The following EPHA6 variants were observed in gnomAD, a reference collection of about 807,000 sequenced individuals.
The protein encoded by EPHA6 is ephrin type-A receptor 6.
A neutral mutation model predicts 112.0 loss-of-function variants in EPHA6; 50 were observed. That is an observed-to-expected ratio of 0.45 (90% confidence interval 0.36 to 0.56). The LOEUF is 0.56. EPHA6 is among the 20% of genes least tolerant of loss of function. The probability of loss-of-function intolerance (pLI) is 0.00; values close to 1 mark genes in which losing one functional copy is unlikely to be tolerated. For synonymous variants in EPHA6, 529 were observed against 490.7 expected (o/e 1.08, Z -1.03); for missense variants, 1,280 against 1,417.4 (o/e 0.90, Z 1.56).
chr3:97,177,059 C>T (rs2076856046), intron 3 of EPHA6, among the ~76,000 whole-genome samples: 1 of 151,340 alleles, frequency 6.6e-6, no homozygotes, highest in Admixed American at 6.6e-5. Flanking sequence ...TTGCTTTATC[C>T]CATAGGTATT....
At chr3:97,049,357 C>T (rs1312048039) in intron 3 of EPHA6, among the ~76,000 whole-genome samples, 1 of 152,144 alleles carries the variant, frequency 6.6e-6, no homozygotes, top group Non-Finnish European at 1.5e-5. Context: ...GAACAGTGAA[C>T]GTTATCCTGG....
intron 3 of EPHA6, among the ~76,000 whole-genome samples, chr3:97,071,244 A>G (rs1445923326): frequency 2.0e-5 from 3 of 152,032 alleles, no homozygotes; most frequent in Non-Finnish European, 4.4e-5. Flanking sequence ...AAATAACTGA[A>G]TTAACTGATG....
At chr3:97,093,053 G>A (rs979006512) in intron 3 of EPHA6, among the ~76,000 whole-genome samples, 1 of 152,056 alleles carries the variant, frequency 6.6e-6, no homozygotes, top group African/African-American at 2.4e-5. Context: ...TGACCTGGAA[G>A]TGACACAGTC....
chr3:97,039,175 A>G (rs1406558817), intron 3 of EPHA6, among the ~76,000 whole-genome samples: 1 of 152,076 alleles, frequency 6.6e-6, no homozygotes, highest in Non-Finnish European at 1.5e-5. Context: ...CAGGAAAACA[A>G]GAAGGCCTAA....
chr3:97,738,588 G>T (rs2035371940), intron 16 of EPHA6, among the ~76,000 whole-genome samples: 1 of 152,060 alleles, frequency 6.6e-6, no homozygotes, highest in Non-Finnish European at 1.5e-5. Flanking sequence ...CAGAGGTCAA[G>T]TCAAGATGAG....
intron 3 of EPHA6, among the ~76,000 whole-genome samples, chr3:97,014,382 C>T (rs2044196451): frequency 2.0e-5 from 3 of 151,222 alleles, no homozygotes; most frequent in African/African-American, 7.3e-5. Flanking sequence ...TCATTTCTCC[C>T]TTTTTCTTTC....
chr3:97,086,841 A>T (rs1047208702), intron 3 of EPHA6, among the ~76,000 whole-genome samples: 1 of 143,976 alleles, frequency 6.9e-6, no homozygotes, highest in Non-Finnish European at 1.5e-5. Context: ...GAATGTACTA[A>T]TCTATAATTT....
At chr3:96,953,066 A>C (rs1483314014) in intron 2 of EPHA6, among the ~76,000 whole-genome samples, 1 of 152,180 alleles carries the variant, frequency 6.6e-6, no homozygotes, top group Non-Finnish European at 1.5e-5. Flanking sequence ...ACCAAAAAAG[A>C]ACAATATTTG....
At chr3:97,333,413 G>A (rs1271068074) in intron 5 of EPHA6, among the ~76,000 whole-genome samples, 2 of 147,276 alleles carry the variant, frequency 1.4e-5, no homozygotes, top group African/African-American at 2.5e-5. Flanking sequence ...AGACAGTCAT[G>A]TCATCTGCAA....
intron 3 of EPHA6, among the ~76,000 whole-genome samples, chr3:97,191,216 G>A (rs2077297289): frequency 6.6e-6 from 1 of 151,922 alleles, no homozygotes; most frequent in Non-Finnish European, 1.5e-5. Flanking sequence ...ATATATTTTT[G>A]GGGTGCATGA....
intron 3 of EPHA6, among the ~76,000 whole-genome samples, chr3:97,048,959 T>G (rs926059007): frequency 6.6e-6 from 1 of 152,198 alleles, no homozygotes; most frequent in African/African-American, 2.4e-5. Context: ...AGATGATATT[T>G]AAGTAAAGAC....
intron 5 of EPHA6, among the ~76,000 whole-genome samples, chr3:97,254,017 T>A (rs1216811460): frequency 6.6e-6 from 1 of 152,112 alleles, no homozygotes; most frequent in African/African-American, 2.4e-5. Flanking sequence ...CTCATTCTAT[T>A]TTTATGAGAA....
At chr3:96,833,870 A>G (rs2034240336) in intron 1 of EPHA6, among the ~76,000 whole-genome samples, 2 of 152,044 alleles carry the variant, frequency 1.3e-5, no homozygotes, top group Non-Finnish European at 2.9e-5. Flanking sequence ...ACAAATTACT[A>G]GACCTTATTC....
intron 12 of EPHA6, among the ~76,000 whole-genome samples, chr3:97,599,876 A>G (rs1054566194): frequency 3.5e-4 from 53 of 152,214 alleles, no homozygotes; most frequent in African/African-American, 1.2e-3. Context: ...CATGTTCATG[A>G]TATTGATTCT....
At chr3:97,094,046 A>G (rs2047160025) in intron 3 of EPHA6, among the ~76,000 whole-genome samples, 1 of 152,094 alleles carries the variant, frequency 6.6e-6, no homozygotes, top group East Asian at 1.9e-4. Flanking sequence ...CATGCTGCTG[A>G]CCCTTACAGC....
intron 3 of EPHA6, among the ~76,000 whole-genome samples, chr3:97,188,410 C>T (rs72922384): frequency 0.039 from 5,875 of 151,694 alleles, 367 homozygotes; most frequent in African/African-American, 0.13. Flanking sequence ...TATTTATTTA[C>T]GTATTTCTAT....
intron 2 of EPHA6, among the ~76,000 whole-genome samples, chr3:96,970,668 G>T (rs1349284299): frequency 6.6e-6 from 1 of 152,028 alleles, no homozygotes; most frequent in Non-Finnish European, 1.5e-5. Context: ...CCTATGGGAG[G>T]CTTGTGTGGG....
chr3:97,110,252 T>C (rs1189100651), intron 3 of EPHA6, among the ~76,000 whole-genome samples: 1 of 152,076 alleles, frequency 6.6e-6, no homozygotes, highest in Non-Finnish European at 1.5e-5. Flanking sequence ...ATGGTAATGA[T>C]AGGGCCTCCA....
At chr3:97,022,075 T>G (rs1266143297) in intron 3 of EPHA6, among the ~76,000 whole-genome samples, 1 of 152,214 alleles carries the variant, frequency 6.6e-6, no homozygotes, top group Non-Finnish European at 1.5e-5. Context: ...AAACATTTGT[T>G]GAATAAATGT....
Sources: allele counts gnomAD v4.1 joint callset (sites outside exome capture counted in the v4.1 genomes callset), GRCh38; gene constraint gnomAD v4.1.1; transcripts MANE v1.5; gene names NCBI Gene and HGNC (gene_info 2026-07-23, HGNC 2026-07-21).